Variants in RALYL observed in about 807,000 individuals in gnomAD.
The protein encoded by RALYL is RNA-binding Raly-like protein.
In RALYL, 29 loss-of-function variants were observed where a neutral mutation model predicts 35.1. The ratio of observed to expected loss-of-function variants is 0.83; its 90% CI spans 0.61 to 1.13. The LOEUF (loss-of-function observed/expected upper bound fraction) is 1.13, where lower values mean the gene tolerates loss of function less well. Among genes scored for constraint, RALYL ranks in the 50% most tolerant of loss-of-function variants. The pLI is 0.00. For synonymous variants in RALYL, 120 were observed against 127.6 expected (o/e 0.94, Z 0.40); for missense variants, 359 against 360.4 (o/e 1.00, Z 0.03).
At chr8:84,413,290 A>G (rs2132215249) in intron 1 of RALYL, among the ~76,000 whole-genome samples, 1 of 151,776 alleles carries the variant, frequency 6.6e-6, no homozygotes, top group South Asian at 2.1e-4. Context: ...TATATTTTAT[A>G]CAACATTTTT....
chr8:84,639,197 A>G (rs903803362), intron 2 of RALYL, among the ~76,000 whole-genome samples: 4 of 151,712 alleles, frequency 2.6e-5, no homozygotes, highest in African/African-American at 9.7e-5. Flanking sequence ...TGCTTGTGCA[A>G]TAAGGGGCTG....
At chr8:84,535,466 C>A (rs1307708230) in intron 2 of RALYL, among the ~76,000 whole-genome samples, 1 of 143,388 alleles carries the variant, frequency 7.0e-6, no homozygotes, top group East Asian at 2.1e-4. Flanking sequence ...GACGGAGTCT[C>A]GCTCTGTCGC....
chr8:84,596,966 T>G (rs760705115), intron 2 of RALYL, among the ~76,000 whole-genome samples: 8 of 151,978 alleles, frequency 5.3e-5, no homozygotes, highest in Non-Finnish European at 8.8e-5. Flanking sequence ...GATGAGGGTT[T>G]AGGTGACAAA....
rs570018244 is a variant in RALYL, at chr8:84,492,437, A to C, written c.-23-36862A>C. Among the ~76,000 whole-genome samples the C allele has an allele frequency of 1.4e-4, 21 of 152,212 alleles. 2 individuals are homozygous for C. In the South Asian group the frequency reaches 4.1e-3, roughly 30 times the overall value. On this transcript the variant is annotated intron_variant, in intron 1 of 8. Coordinates refer to ENST00000521268, the MANE Select transcript of RALYL (RefSeq NM_173848.7). ...AAAGCAAACTAAAAAGATCTCAATA[A>C]ATCTTCCCTGTTTACTGAATTACAT... is the stretch of plus-strand genomic sequence containing the variant.
intron 1 of RALYL, among the ~76,000 whole-genome samples, chr8:84,314,062 T>C (rs556735839): frequency 1.3e-5 from 2 of 152,270 alleles, no homozygotes; most frequent in African/African-American, 4.8e-5. Flanking sequence ...CTTCCAATCA[T>C]GGTGGAAGGT....
chr8:84,572,866 C>A (rs1411268116), intron 2 of RALYL, among the ~76,000 whole-genome samples: 1 of 151,090 alleles, frequency 6.6e-6, no homozygotes, highest in African/African-American at 2.4e-5. Flanking sequence ...GTTCTATTTC[C>A]TTTTTTTTCC....
chr8:84,439,244 G>A (rs1157594273), intron 1 of RALYL, among the ~76,000 whole-genome samples: 1 of 151,942 alleles, frequency 6.6e-6, no homozygotes, highest in Non-Finnish European at 1.5e-5. Context: ...ATTTGTTTGT[G>A]TCATCTATGA....
chr8:84,301,362 T>C (rs544732706), intron 1 of RALYL, among the ~76,000 whole-genome samples: 3 of 152,184 alleles, frequency 2.0e-5, no homozygotes, highest in South Asian at 4.1e-4. Flanking sequence ...CTATATTTCT[T>C]GGGAAAGTCA....
intron 2 of RALYL, among the ~76,000 whole-genome samples, chr8:84,624,687 G>T (rs1261788957): frequency 6.6e-6 from 1 of 152,120 alleles, no homozygotes; most frequent in Non-Finnish European, 1.5e-5. Flanking sequence ...AGTCTACAAG[G>T]ATTAGGACAT....
intron 1 of RALYL, among the ~76,000 whole-genome samples, chr8:84,191,025 G>A (rs1287505955): frequency 6.6e-6 from 1 of 151,778 alleles, no homozygotes; most frequent in Non-Finnish European, 1.5e-5. Flanking sequence ...CTCAAAAGAA[G>A]ATAAGACCTG....
At chr8:84,848,633 A>G (rs1427472413) in intron 4 of RALYL, among the ~76,000 whole-genome samples, 5 of 152,154 alleles carry the variant, frequency 3.3e-5, no homozygotes, top group Non-Finnish European at 5.9e-5. Flanking sequence ...CAGAGGCTGG[A>G]GAGGCAGGAA....
intron 1 of RALYL, chr8:84,184,931 A>C: frequency 6.2e-7 from 1 of 1,600,228 alleles, no homozygotes; most frequent in Non-Finnish European, 8.6e-7. Context: ...CCGGAGCTGG[A>C]GACATTTCCA....
intron 2 of RALYL, among the ~76,000 whole-genome samples, chr8:84,626,944 C>T (rs1564269414): frequency 6.6e-6 from 1 of 152,114 alleles, no homozygotes; most frequent in African/African-American, 2.4e-5. Context: ...ACAGACCAGT[C>T]AATTAAACCC....
intron 1 of RALYL, among the ~76,000 whole-genome samples, chr8:84,297,680 A>G (rs1416460013): frequency 6.6e-6 from 1 of 152,102 alleles, no homozygotes; most frequent in Non-Finnish European, 1.5e-5. Flanking sequence ...GTGGATAAGC[A>G]TTTCTTTTTC....
intron 1 of RALYL, among the ~76,000 whole-genome samples, chr8:84,270,055 A>G (rs1269195314): frequency 6.6e-6 from 1 of 152,114 alleles, no homozygotes; most frequent in Non-Finnish European, 1.5e-5. Context: ...GACAAAAGCC[A>G]CAAGCAGAAT....
At chr8:84,445,342 TTTTG>T (rs2048740490) in intron 1 of RALYL, among the ~76,000 whole-genome samples, 1 of 152,016 alleles carries the variant, frequency 6.6e-6, no homozygotes, top group Non-Finnish European at 1.5e-5. Context: ...GTATTTTTTC[TTTTG>T]TTTGCCATCC....
At chr8:84,910,414 G>A (rs1847305682) in intron 8 of RALYL, among the ~76,000 whole-genome samples, 1 of 151,780 alleles carries the variant, frequency 6.6e-6, no homozygotes, top group Non-Finnish European at 1.5e-5. Context: ...TATCAACAGG[G>A]GTACCTAAAA....
At chr8:84,363,645 C>A (rs1033307573) in intron 1 of RALYL, among the ~76,000 whole-genome samples, 4 of 152,136 alleles carry the variant, frequency 2.6e-5, no homozygotes, top group Non-Finnish European at 5.9e-5. Flanking sequence ...TGATCTAACT[C>A]TTTCTGCTTT....
intron 1 of RALYL, among the ~76,000 whole-genome samples, chr8:84,200,235 G>A (rs191463208): frequency 1.6e-4 from 24 of 152,074 alleles, no homozygotes; most frequent in South Asian, 8.3e-4. Context: ...AAGAATTTTC[G>A]AAATACAGTA....
Sources: allele counts gnomAD v4.1 joint callset (sites outside exome capture counted in the v4.1 genomes callset), GRCh38; gene constraint gnomAD v4.1.1; transcripts MANE v1.5; gene names NCBI Gene and HGNC (gene_info 2026-07-23, HGNC 2026-07-21).